The following CEP112 variants were observed in gnomAD, a reference collection of about 807,000 sequenced individuals.
CEP112 encodes the protein centrosomal protein of 112 kDa.
In CEP112, 127 loss-of-function variants were observed where a neutral mutation model predicts 153.0. The ratio of observed to expected loss-of-function variants is 0.83; its 90% CI spans 0.72 to 0.96. The LOEUF is 0.96. CEP112 is among the 40% of genes least tolerant of loss of function. CEP112 has a pLI of 0.00. For synonymous variants in CEP112, 358 were observed against 374.4 expected, an observed-to-expected ratio of 0.96 and a Z score of 0.51; for missense variants, 1,089 against 1,101.2, an observed-to-expected ratio of 0.99 and a Z score of 0.16.
intron 21 of CEP112, among the ~76,000 whole-genome samples, chr17:65,816,496 T>C (rs2056273930): frequency 6.6e-6 from 1 of 152,014 alleles, no homozygotes; most frequent in South Asian, 2.1e-4. Context: ...ATGCCATCTG[T>C]TCTTTATTGG....
At chr17:66,070,336 A>G (rs991200271) in intron 8 of CEP112, among the ~76,000 whole-genome samples, 3 of 152,124 alleles carry the variant, frequency 2.0e-5, no homozygotes, top group African/African-American at 2.4e-5. Context: ...AAATCCACAC[A>G]GTATTTTACT....
Position 65,961,594 on chromosome 17 carries a change from T to C in CEP112, c.1741A>G (p.Lys581Glu), listed in dbSNP as rs1469791963. Reference protein sequence around the residue: ...IHKFEEALKEKEEQLTRVTEV... With the variant: ...IHKFEEALKEEEEQLTRVTEV... ...GTCACACGAGTTAGCTGCTCCTCTT[T>C]TTCCCTAGAAAGGTTCAGAGAAGCT... The change falls in exon 18 of 27, where the codon AAA (lysine) becomes GAA (glutamate). Residue 581 changes from lysine (K) to glutamate (E), a missense_variant. Coordinates refer to ENST00000535342, the MANE Select transcript of CEP112 (RefSeq NM_001199165.4). The C allele has an allele frequency of 1.9e-6, 3 of 1,610,618 alleles. No homozygotes were observed. The highest frequency in any genetic ancestry group is 8.5e-7 in the Non-Finnish European group (1 of 1,177,404).
At chr17:65,777,360 G>A (rs1445129145) in intron 21 of CEP112, among the ~76,000 whole-genome samples, 1 of 152,138 alleles carries the variant, frequency 6.6e-6, no homozygotes, top group Non-Finnish European at 1.5e-5. Context: ...TGACTCACTG[G>A]TGATTCTAAT....
chr17:66,080,712 T>C (rs754936818), intron 8 of CEP112, among the ~76,000 whole-genome samples: 22 of 152,100 alleles, frequency 1.4e-4, no homozygotes, highest in Admixed American at 3.9e-4. Context: ...CACACGAACA[T>C]GTATGTTTAT....
rs569814767 is a variant in CEP112, at chr17:66,070,627, C to T, written c.769-626G>A. Reference sequence around the variant, plus strand: ...CTCTCCAAACCAACACCACATGCAACGGTGCTCTGAGCAAAGCCAAAAATG... The same window carrying T: ...CTCTCCAAACCAACACCACATGCAATGGTGCTCTGAGCAAAGCCAAAAATG... On this transcript the variant is annotated intron_variant, in intron 8 of 26. Coordinates refer to ENST00000535342, the MANE Select transcript of CEP112 (RefSeq NM_001199165.4). 3.3e-5 allele frequency among the ~76,000 whole-genome samples: 5 copies of T among 152,218 alleles called. No individual in the cohort carries two copies. In the East Asian group the frequency reaches 5.8e-4, roughly 18 times the overall value.
rs1331027354 is a variant in CEP112 at position 66,010,918 on chromosome 17, AC to A, written c.1657-5150del. 2.6e-5 allele frequency among the ~76,000 whole-genome samples: 4 copies of A among 151,928 alleles called. No individual in the cohort carries two copies. The East Asian group carries it at 7.7e-4, about 29-fold the overall frequency. On this transcript the variant is annotated intron_variant, in intron 16 of 26. Transcript: ENST00000535342. ...TATCAAGGATATTGGCCTGAAGCTT[AC>A]TTTTTTTGTCGTGTCTCTGTAAGGT... is the stretch of plus-strand genomic sequence containing the variant.
intron 23 of CEP112, among the ~76,000 whole-genome samples, chr17:65,723,160 C>A (rs994021655): frequency 2.6e-5 from 4 of 152,150 alleles, no homozygotes; most frequent in Non-Finnish European, 5.9e-5. Context: ...GCCCAAACTG[C>A]TTCTGTGTTC....
rs542349401 is a variant in CEP112 at position 65,955,517 on chromosome 17, G to A, written c.1872+5946C>T. Among the ~76,000 whole-genome samples, 6 of 152,242 alleles carry A rather than the reference G, an allele frequency of 3.9e-5. No homozygotes were observed. In the East Asian group the frequency reaches 7.7e-4, roughly 20 times the overall value. On this transcript the variant is annotated intron_variant, in intron 18 of 26. Transcript: ENST00000535342. ...TCACATCTCAATACTAACATTGAAT[G>A]TAAATGGCCTAAATGCACCACCTAA...
intron 16 of CEP112, among the ~76,000 whole-genome samples, chr17:66,019,379 G>A (rs183907914): frequency 4.3e-4 from 66 of 152,162 alleles, no homozygotes; most frequent in Admixed American, 3.9e-3. Context: ...CCAGAGCTAC[G>A]GAAGATTTAT....
At chr17:66,000,571 C>T (rs988906653) in intron 17 of CEP112, among the ~76,000 whole-genome samples, 9 of 152,006 alleles carry the variant, frequency 5.9e-5, no homozygotes, top group African/African-American at 2.2e-4. Flanking sequence ...AAACTTCTCC[C>T]GTAGATGGAA....
chr17:65,657,865 T>C (rs2046138497), intron 24 of CEP112, among the ~76,000 whole-genome samples: 1 of 152,188 alleles, frequency 6.6e-6, no homozygotes, highest in South Asian at 2.1e-4. Context: ...ACATAGCAAA[T>C]GCTTAGTAAA....
chr17:65,847,418 C>CT (rs1358176123), intron 21 of CEP112, among the ~76,000 whole-genome samples: 1 of 152,134 alleles, frequency 6.6e-6, no homozygotes, highest in Non-Finnish European at 1.5e-5. Flanking sequence ...GCCTGTTTCG[C>CT]TTTTTTTGAA....
At chr17:65,708,521 G>A (rs376313373) in intron 23 of CEP112, among the ~76,000 whole-genome samples, 10 of 152,092 alleles carry the variant, frequency 6.6e-5, no homozygotes, top group African/African-American at 2.4e-4. Flanking sequence ...AAACTGGCAC[G>A]TTGGCTCTGT....
At chr17:65,889,333 A>G (rs1375394049) in intron 20 of CEP112, among the ~76,000 whole-genome samples, 1 of 152,214 alleles carries the variant, frequency 6.6e-6, no homozygotes, top group Non-Finnish European at 1.5e-5. Context: ...CATTTGGTGT[A>G]GTAGTCCATT....
intron 25 of CEP112, 77 bp downstream of exon 25, chr17:65,640,887 G>A (rs1400175011): frequency 2.5e-6 from 2 of 803,944 alleles, no homozygotes; most frequent in South Asian, 1.5e-5. Flanking sequence ...GCAACAATTT[G>A]GAATCAGATT....
intron 3 of CEP112, 188 bp downstream of exon 3, chr17:66,176,642 C>T (rs1276519026): frequency 4.8e-6 from 2 of 416,270 alleles, no homozygotes; most frequent in Non-Finnish European, 8.4e-6. Context: ...AATAAGGATA[C>T]TCCCCTTATA....
At chr17:66,155,504 T>G (rs868415461) in intron 4 of CEP112, among the ~76,000 whole-genome samples, 1 of 151,826 alleles carries the variant, frequency 6.6e-6, no homozygotes, top group African/African-American at 2.4e-5. Flanking sequence ...GAGGTTTTTT[T>G]TTTTTCATAC....
At chr17:66,078,190 G>A (rs1335060491) in intron 8 of CEP112, among the ~76,000 whole-genome samples, 3 of 150,406 alleles carry the variant, frequency 2.0e-5, no homozygotes, top group African/African-American at 4.9e-5. Context: ...AAGTATTTGG[G>A]TTTATTTCTA....
At chr17:66,145,223 G>C (rs549326508) in intron 4 of CEP112, among the ~76,000 whole-genome samples, 2 of 152,138 alleles carry the variant, frequency 1.3e-5, no homozygotes, top group Admixed American at 1.3e-4. Flanking sequence ...AAACTCTTTT[G>C]CACATTAACT....
Sources: gnomAD v4.1 joint callset for allele counts (sites outside exome capture counted in the v4.1 genomes callset) on GRCh38, gnomAD v4.1.1 for gene constraint, MANE v1.5 for transcripts, NCBI Gene and HGNC (gene_info 2026-07-23, HGNC 2026-07-21) for gene names.